ARPP21: variants seen among roughly 807,000 people sequenced by gnomAD.
The protein encoded by ARPP21 is cAMP regulated phosphoprotein 21, also known as cAMP-regulated phosphoprotein 21.
ARPP21 carries 69 observed loss-of-function variants against 113.2 expected under a neutral mutation model. That is an observed-to-expected ratio of 0.61 (90% CI 0.50 to 0.74). The LOEUF (loss-of-function observed/expected upper bound fraction) is 0.74. Among genes scored for constraint, ARPP21 ranks in the 30% least tolerant of loss-of-function variants. ARPP21 has a pLI of 0.00. For synonymous variants in ARPP21, 368 were observed against 375.5 expected, an observed-to-expected ratio of 0.98 and a Z score of 0.23; for missense variants, 1,070 against 1,037.4, an observed-to-expected ratio of 1.03 and a Z score of -0.43.
At chr3:35,748,095 AAAGAAAGAAAGAAAG>A (rs1289368204) in intron 19 of ARPP21, among the ~76,000 whole-genome samples, 1 of 134,030 alleles carries the variant, frequency 7.5e-6, no homozygotes, top group East Asian at 2.0e-4. Flanking sequence ...AGAAAGAAAG[AAAGAAAGAAAGAAAG>A]AAGAAAGAAA....
At chr3:35,677,487 T>G (rs2077815044) in intron 1 of ARPP21, among the ~76,000 whole-genome samples, 1 of 151,990 alleles carries the variant, frequency 6.6e-6, no homozygotes, top group African/African-American at 2.4e-5. Flanking sequence ...AGCAATTATT[T>G]TACTTGCTTT....
chr3:35,719,183 G>C (rs17754584), intron 13 of ARPP21, among the ~76,000 whole-genome samples: 17,908 of 151,764 alleles, frequency 0.12, 1,112 homozygotes, highest in African/African-American at 0.14. Context: ...CACCCAAACA[G>C]ATTTGGAATT....
intron 19 of ARPP21, chr3:35,744,614 A>T (rs921855746): frequency 8.6e-6 from 4 of 463,950 alleles, no homozygotes; most frequent in South Asian, 6.6e-5. Context: ...GACAGGGCTG[A>T]GTGGCTTGTG....
chr3:35,716,501 G>A (rs559053422), intron 12 of ARPP21, among the ~76,000 whole-genome samples: 1 of 152,096 alleles, frequency 6.6e-6, no homozygotes, highest in East Asian at 1.9e-4. Flanking sequence ...CAGAAGAAGA[G>A]ATAAAATTGA....
chr3:35,685,575 C>A, intron 5 of ARPP21: 1 of 984,846 alleles, frequency 1.0e-6, no homozygotes, highest in Non-Finnish European at 1.2e-6. Context: ...TGGATTGTAT[C>A]GCTTCCCCAA....
chr3:35,737,989 A>G (rs1363774733), intron 16 of ARPP21, among the ~76,000 whole-genome samples: 3 of 152,232 alleles, frequency 2.0e-5, no homozygotes, highest in Non-Finnish European at 4.4e-5. Flanking sequence ...ACAATATCAA[A>G]CGTACATCAG....
chr3:35,718,908 G>GAA (rs1576266774), intron 13 of ARPP21, among the ~76,000 whole-genome samples: 1 of 93,710 alleles, frequency 1.1e-5, no homozygotes, highest in African/African-American at 4.4e-5. Context: ...AGTAACCTGT[G>GAA]CAAAAAAAAA....
intron 18 of ARPP21, among the ~76,000 whole-genome samples, chr3:35,743,496 C>A (rs1219389916): frequency 6.6e-6 from 1 of 152,150 alleles, no homozygotes; most frequent in African/African-American, 2.4e-5. Context: ...CCTTTTTCTG[C>A]AGCAGAATAG....
intron 1 of ARPP21, among the ~76,000 whole-genome samples, chr3:35,662,417 G>A (rs1160560716): frequency 6.6e-6 from 1 of 152,162 alleles, no homozygotes; most frequent in Admixed American, 6.5e-5. Flanking sequence ...GTTGCAGGTA[G>A]GTTTCTGGAA....
chr3:35,789,442 G>T (rs2096702160), intron 19 of ARPP21, among the ~76,000 whole-genome samples: 1 of 152,160 alleles, frequency 6.6e-6, no homozygotes, highest in South Asian at 2.1e-4. Context: ...TAAATTTCTT[G>T]CCTGGAGAGA....
intron 14 of ARPP21, among the ~76,000 whole-genome samples, chr3:35,727,642 C>T (rs144486722): frequency 2.1e-3 from 314 of 152,186 alleles, no homozygotes; most frequent in Non-Finnish European, 3.9e-3. Flanking sequence ...TTTTTAATAA[C>T]ATAATCAATA....
chr3:35,789,398 G>A (rs2096700402), intron 19 of ARPP21, among the ~76,000 whole-genome samples: 1 of 152,304 alleles, frequency 6.6e-6, no homozygotes, highest in Middle Eastern at 3.4e-3. Flanking sequence ...ATAATTTAAA[G>A]AAATGAGTAG....
intron 18 of ARPP21, among the ~76,000 whole-genome samples, chr3:35,740,207 T>G (rs2094574228): frequency 6.6e-6 from 1 of 152,344 alleles, no homozygotes; most frequent in African/African-American, 2.4e-5. Flanking sequence ...TCTCAAAGAC[T>G]GATTATGTGT....
rs2096797372 is a variant in ARPP21, at chr3:35,794,143, T to G, written c.*185T>G. ...AGCTGGTTAATGGTGCATATTTCTG[T>G]CATGTCTGCTAGGTATGCCTTTATA... On this transcript the variant is annotated 3_prime_UTR_variant, in exon 21 of 21. Transcript: ENST00000684406. 1 of 623,012 alleles carries G rather than the reference T, an allele frequency of 1.6e-6. No individual in the cohort carries two copies. Among genetic ancestry groups the G allele is most frequent in the African/African-American group, 1.8e-5 (1 of 54,334 alleles). 38.6% of individuals were successfully genotyped at this position (623,012 alleles called of 1,614,324 possible).
At chr3:35,762,096 C>CCT (rs373149403) in intron 19 of ARPP21, among the ~76,000 whole-genome samples, 5,012 of 135,900 alleles carry the variant, frequency 0.037, 243 homozygotes, top group African/African-American at 0.12. Context: ...CTCTCTCTCT[C>CCT]CTCTCTCTCT....
At chr3:35,647,954 T>C (rs945593001) in intron 1 of ARPP21, among the ~76,000 whole-genome samples, 1 of 152,204 alleles carries the variant, frequency 6.6e-6, no homozygotes, top group Non-Finnish European at 1.5e-5. Context: ...AAACCACTTT[T>C]CTTTCACATA....
chr3:35,735,450 G>A (rs2094288777), intron 15 of ARPP21, among the ~76,000 whole-genome samples: 1 of 152,118 alleles, frequency 6.6e-6, no homozygotes, highest in African/African-American at 2.4e-5. Context: ...TCATATGACT[G>A]ATGATCCTTG....
intron 6 of ARPP21, among the ~76,000 whole-genome samples, chr3:35,688,512 C>T (rs1022108887): frequency 1.3e-5 from 2 of 151,548 alleles, no homozygotes; most frequent in African/African-American, 4.8e-5. Context: ...TTTGCCATAC[C>T]TATCATGGTA....
intron 11 of ARPP21, among the ~76,000 whole-genome samples, chr3:35,710,993 T>C (rs1408767127): frequency 6.6e-6 from 1 of 152,190 alleles, no homozygotes; most frequent in African/African-American, 2.4e-5. Flanking sequence ...TAAAAGCACA[T>C]TTAAATGTGA....
Sources: gnomAD v4.1 joint callset for allele counts (sites outside exome capture counted in the v4.1 genomes callset) on GRCh38, gnomAD v4.1.1 for gene constraint, MANE v1.5 for transcripts, NCBI Gene and HGNC (gene_info 2026-07-23, HGNC 2026-07-21) for gene names.